The following RNF103 variants were observed in gnomAD, a reference collection of about 807,000 sequenced individuals.
The protein encoded by RNF103 is E3 ubiquitin-protein ligase RNF103.
A neutral mutation model predicts 66.2 loss-of-function variants in RNF103; 23 were observed. That is an observed-to-expected ratio of 0.35 (90% CI 0.25 to 0.49). The LOEUF is 0.49. RNF103 is among the 20% of genes least tolerant of loss of function. RNF103 has a pLI of 0.98. For synonymous variants in RNF103, 297 were observed against 289.9 expected, an observed-to-expected ratio of 1.02 and a Z score of -0.25; for missense variants, 730 against 814.7, an observed-to-expected ratio of 0.90 and a Z score of 1.27.
Position 86,620,921 on chromosome 2 carries a change from C to G in RNF103, c.227-452G>C, listed in dbSNP as rs183520332. On this transcript the variant is annotated intron_variant, in intron 1 of 3. Coordinates refer to ENST00000237455, the MANE Select transcript of RNF103 (RefSeq NM_005667.4). The stretch of plus-strand genomic sequence containing the variant: ...TTCACAGAATTTGCCATCAGCCCTG[C>G]TTAAAAGAGCAACAGGGTTTGTATG... Among the ~76,000 whole-genome samples the G allele has an allele frequency of 1.6e-3, 243 of 152,248 alleles. 2 individuals are homozygous for G. The highest frequency in any genetic ancestry group is 5.6e-3 in the African/African-American group (231 of 41,552).
Position 86,622,830 on chromosome 2 carries a change from G to C in RNF103, c.57C>G (p.Ala19=), listed in dbSNP as rs550693796. The C allele has an allele frequency of 4.3e-6, 7 of 1,614,062 alleles. No homozygotes were observed. In the African/African-American group the frequency reaches 9.3e-5, roughly 22 times the overall value. Residue 19 remains alanine (A), a synonymous_variant, in exon 1 of 4, where the codon GCC becomes GCG. Coordinates refer to ENST00000237455, the MANE Select transcript of RNF103 (RefSeq NM_005667.4). ...ACCACACAATGGCCTCAAAAAACCT[G>C]GCCAGGACGAACAGGACCAGGAAAT... ...LLYFLVLFVL[A]RFFEAIVWYE...
At chr2:86,619,096 G>A (rs1027218385) in intron 2 of RNF103, among the ~76,000 whole-genome samples, 8 of 152,088 alleles carry the variant, frequency 5.3e-5, no homozygotes, top group African/African-American at 9.7e-5. Context: ...TTAGCACAGT[G>A]GACTACAGTA....
Position 86,623,755 on chromosome 2 carries a change from C to T in RNF103, c.-869G>A. 1 of 1,280,706 alleles carries T rather than the reference C, an allele frequency of 7.8e-7. No individual in the cohort carries two copies. The highest frequency in any genetic ancestry group is 6.0e-5 in the East Asian group (1 of 16,770). 79.3% of individuals were successfully genotyped at this position (1,280,706 alleles called of 1,614,324 possible). A position where few individuals can be genotyped will look rare whatever the true frequency, so the allele number is the denominator to read the frequency against. ...TCAGCGCCCGTCCCGCTCGGATGGG[C>T]AGTGCCGGTCGCAGCACCCGTCCCC... On this transcript the variant is annotated 5_prime_UTR_variant, in exon 1 of 4. Transcript: ENST00000237455.
Position 86,605,065 on chromosome 2 carries a change from T to A in RNF103, c.836A>T (p.Asp279Val). 1 of 1,614,014 alleles carries A rather than the reference T, an allele frequency of 6.2e-7. No individual in the cohort carries two copies. Among genetic ancestry groups the A allele is most frequent in the East Asian group, 2.2e-5 (1 of 44,866 alleles). ...TGATGGCATATTATATATGCCAATA[T>A]CTGTCATATAACTCTTGTTGTCCCA... is the stretch of plus-strand genomic sequence containing the variant. ...ENWDNKSYMT[D>V]IGIYNMPSYI... is the part of the protein sequence containing the mutation. The change falls in exon 4 of 4, where the codon GAT (aspartate) becomes GTT (valine). Residue 279 changes from aspartate to valine, a missense_variant. This residue lies in a region of RNF103 where 327 missense variants were observed against 369.8 expected (regional missense o/e 0.88). Transcript: ENST00000237455.
At chr2:86,617,689 C>G (rs113582223) in intron 2 of RNF103, 1 of 988,814 alleles carries the variant, frequency 1.0e-6, no homozygotes. Context: ...TTATCCTTTA[C>G]AATAGATTAA....
chr2:86,608,486 CAA>C (rs1222638516), intron 3 of RNF103, among the ~76,000 whole-genome samples: 95 of 40,102 alleles, frequency 2.4e-3, no homozygotes, highest in Admixed American at 0.018. Flanking sequence ...GACTCCATCT[CAA>C]AAAAAAAAAA....
In RNF103 at chr2:86,611,204, A is replaced by C. The variant is rs368306097; in HGVS notation, c.482+955T>G. On this transcript the variant is annotated intron_variant, in intron 3 of 3. Transcript: ENST00000237455. ...CAAAAAAAAAAAAAATCAGAAAAAA[A>C]GACTTTGTGGTGAAGATGAGCATGA... Among the ~76,000 whole-genome samples, 243 of 152,092 alleles carry C rather than the reference A, an allele frequency of 1.6e-3. 8 individuals are homozygous for C. In the South Asian group the frequency reaches 0.049, roughly 31 times the overall value.
At chr2:86,612,962 TAAGAA>T (rs780478257) in intron 2 of RNF103, 3 of 152,160 alleles carry the variant, frequency 2.0e-5, no homozygotes, top group African/African-American at 4.8e-5. Flanking sequence ...AAAAGATTCT[TAAGAA>T]AAGAAAAAGA....
intron 2 of RNF103, among the ~76,000 whole-genome samples, chr2:86,616,203 T>C (rs1250761281): frequency 6.6e-6 from 1 of 152,226 alleles, no homozygotes; most frequent in African/African-American, 2.4e-5. Context: ...TCAAACCATG[T>C]GGCATACCCC....
At chr2:86,610,955 G>A (rs561518254) in intron 3 of RNF103, among the ~76,000 whole-genome samples, 1 of 150,760 alleles carries the variant, frequency 6.6e-6, no homozygotes, top group Non-Finnish European at 1.5e-5. Context: ...ACATTGGGAT[G>A]TGACTAAGAT....
At chr2:86,615,518 C>T (rs1336951377) in intron 2 of RNF103, among the ~76,000 whole-genome samples, 7 of 105,610 alleles carry the variant, frequency 6.6e-5, no homozygotes, top group Non-Finnish European at 1.4e-4. Context: ...TATACATATG[C>T]CTTATATATA....
chr2:86,623,819 C>T lies in RNF103; in HGVS notation c.-933G>A, dbSNP rs548837700. 99 of 1,288,214 alleles carry T rather than the reference C, an allele frequency of 7.7e-5. No individual in the cohort carries two copies. The African/African-American group carries it at 1.3e-3, about 17-fold the overall frequency. The allele number at this position is 1,288,214 out of a possible 1,614,324, so 79.8% of individuals were successfully genotyped here. A position where few individuals can be genotyped will look rare whatever the true frequency, so the allele number is the denominator to read the frequency against. ...CCTCCGGAGACCGCGGCCGTACCCT[C>T]CACAACCGTGTATCAGCGGCGGCCG... On this transcript the variant is annotated 5_prime_UTR_variant, in exon 1 of 4. Transcript: ENST00000237455.
chr2:86,608,485 T>TCAAA (rs1172243218), intron 3 of RNF103, among the ~76,000 whole-genome samples: 1 of 54,462 alleles, frequency 1.8e-5, no homozygotes, highest in East Asian at 5.8e-4. Context: ...AGACTCCATC[T>TCAAA]CAAAAAAAAA....
At chr2:86,623,866 A>G (rs1679350350), upstream of RNF103, 10 of 1,287,276 alleles carry the variant, frequency 7.8e-6, no homozygotes, top group Non-Finnish European at 1.0e-5. Context: ...GAGACATAAC[A>G]ACTGACGTCG....
At chr2:86,608,229 G>T (rs1473766549) in intron 3 of RNF103, among the ~76,000 whole-genome samples, 1 of 152,146 alleles carries the variant, frequency 6.6e-6, no homozygotes, top group Non-Finnish European at 1.5e-5. Context: ...GCTCACACCT[G>T]TAATCCCAGC....
intron 3 of RNF103, among the ~76,000 whole-genome samples, chr2:86,608,273 G>A (rs1026530688): frequency 1.3e-5 from 2 of 152,028 alleles, no homozygotes; most frequent in Non-Finnish European, 2.9e-5. Flanking sequence ...GATCACTTGA[G>A]GCCAGGAGTT....
At position 86,623,038 on chromosome 2, in the gene RNF103, G is replaced by A. The variant is rs1488586730; in HGVS notation, c.-152C>T. 7.4e-7 allele frequency: 1 copy of A among 1,349,856 alleles called. No individual in the cohort carries two copies. The highest frequency in any genetic ancestry group is 1.6e-5 in the African/African-American group (1 of 64,356). 83.6% of individuals were successfully genotyped at this position (1,349,856 alleles called of 1,614,324 possible). ...CCGTCACTGGCCGGCCATCCCCGGCGGGGAAGCAGGTGACGGGATCCGCGC... is the reference window on the plus strand; with the variant it reads ...CCGTCACTGGCCGGCCATCCCCGGCAGGGAAGCAGGTGACGGGATCCGCGC... On this transcript the variant is annotated 5_prime_UTR_variant, in exon 1 of 4. Coordinates refer to ENST00000237455, the MANE Select transcript of RNF103 (RefSeq NM_005667.4).
At chr2:86,606,917 C>A (rs189207702) in intron 3 of RNF103, among the ~76,000 whole-genome samples, 16 of 151,958 alleles carry the variant, frequency 1.1e-4, no homozygotes, top group African/African-American at 3.9e-4. Flanking sequence ...TAGCTAGGAC[C>A]ACATATGCAC....
intron 3 of RNF103, among the ~76,000 whole-genome samples, chr2:86,606,675 A>G (rs199979372): frequency 0.39 from 55,488 of 141,904 alleles, 12,485 homozygotes; most frequent in East Asian, 0.7. Context: ...AAAAAAAAAA[A>G]AAAAAAAAAA....
Sources: allele counts gnomAD v4.1 joint callset (sites outside exome capture counted in the v4.1 genomes callset), GRCh38; gene constraint gnomAD v4.1.1; regional missense constraint gnomAD v4.1.1; transcripts MANE v1.5; gene names NCBI Gene and HGNC (gene_info 2026-07-23, HGNC 2026-07-21).